Variants in USH2A observed in about 807,000 individuals in gnomAD.
USH2A encodes the protein usherin.
A neutral mutation model predicts 538.9 loss-of-function variants in USH2A; 443 were observed. That is an observed-to-expected ratio of 0.82 (90% CI 0.76 to 0.89). The LOEUF (loss-of-function observed/expected upper bound fraction) is 0.89. Ranked by LOEUF, USH2A falls within the 40% of genes least tolerant of loss-of-function variation. USH2A has a pLI of 0.00. For synonymous variants in USH2A, 2,413 were observed against 2,273.5 expected (o/e 1.06, Z -1.75); for missense variants, 6,633 against 6,324.8 (o/e 1.05, Z -1.65).
chr1:215,834,502 C>G (rs1663419374), intron 47 of USH2A, among the ~76,000 whole-genome samples: 1 of 152,116 alleles, frequency 6.6e-6, no homozygotes. Context: ...TTATACATAA[C>G]AAAACATGGC....
intron 62 of USH2A, among the ~76,000 whole-genome samples, chr1:215,678,919 C>G (rs558340294): frequency 2.0e-5 from 3 of 152,244 alleles, no homozygotes; most frequent in Non-Finnish European, 4.4e-5. Context: ...AGCAGATGCT[C>G]TCATGACTCC....
At chr1:215,996,754 G>A (rs1284145967) in intron 34 of USH2A, among the ~76,000 whole-genome samples, 2 of 151,820 alleles carry the variant, frequency 1.3e-5, no homozygotes, top group Non-Finnish European at 2.9e-5. Flanking sequence ...ATTTCCAATA[G>A]GCCCTGTGCT....
At chr1:215,932,504 G>T (rs1571824857) in intron 38 of USH2A, among the ~76,000 whole-genome samples, 1 of 152,068 alleles carries the variant, frequency 6.6e-6, no homozygotes, top group African/African-American at 2.4e-5. Flanking sequence ...AATCAATGAG[G>T]TATCACCTTT....
chr1:216,120,086 T>C (rs1406775953), intron 21 of USH2A, among the ~76,000 whole-genome samples: 1 of 151,990 alleles, frequency 6.6e-6, no homozygotes, highest in African/African-American at 2.4e-5. Flanking sequence ...TTTTCAGTCA[T>C]CCAGGATTGC....
chr1:215,641,181 C>T (rs1001709633), intron 67 of USH2A, among the ~76,000 whole-genome samples: 2 of 152,066 alleles, frequency 1.3e-5, no homozygotes, highest in African/African-American at 4.8e-5. Context: ...GCCACAAAGC[C>T]CCAAGGACTA....
At chr1:215,970,423 T>G (rs1356314613) in intron 36 of USH2A, among the ~76,000 whole-genome samples, 1 of 152,220 alleles carries the variant, frequency 6.6e-6, no homozygotes, top group Non-Finnish European at 1.5e-5. Flanking sequence ...TGCCCTTCAC[T>G]GGACCTATGT....
chr1:216,322,686 T>A (rs899373600), intron 8 of USH2A, among the ~76,000 whole-genome samples: 3 of 152,086 alleles, frequency 2.0e-5, no homozygotes, highest in Admixed American at 6.6e-5. Flanking sequence ...TCAATTTTTT[T>A]ATTTTTTTTT....
intron 29 of USH2A, 61 bp from the exon 30 acceptor site, chr1:216,070,353 A>G: frequency 6.6e-7 from 1 of 1,504,002 alleles, no homozygotes; most frequent in Non-Finnish European, 9.2e-7. Context: ...TATTGCTCCT[A>G]TTCTTCACTT....
intron 11 of USH2A, among the ~76,000 whole-genome samples, chr1:216,275,941 T>C (rs1484939612): frequency 1.3e-5 from 2 of 152,112 alleles, no homozygotes; most frequent in African/African-American, 4.8e-5. Flanking sequence ...AAATACCCAG[T>C]TTAGCAATCT....
Position 215,625,708 on chromosome 1 carries a change from T to C in USH2A, c.*73A>G. 1.5e-6 allele frequency: 2 copies of C among 1,332,096 alleles called. No individual in the cohort carries two copies. Among genetic ancestry groups the C allele is most frequent in the Non-Finnish European group, 2.2e-6 (2 of 923,468 alleles). 82.5% of individuals were successfully genotyped at this position (1,332,096 alleles called of 1,614,324 possible). On this transcript the variant is annotated 3_prime_UTR_variant, in exon 72 of 72. Coordinates refer to ENST00000307340, the MANE Select transcript of USH2A (RefSeq NM_206933.4). ...CAATGGCTTTTCAGCATTTATGATG[T>C]GTGAGTGATAACCCAGGAGGAAATG...
chr1:216,311,657 G>A (rs1007011184), intron 9 of USH2A, among the ~76,000 whole-genome samples: 2 of 152,134 alleles, frequency 1.3e-5, no homozygotes, highest in African/African-American at 4.8e-5. Flanking sequence ...GGGCGGAAGA[G>A]TTAACATCCA....
At chr1:215,894,950 C>T (rs1394704613) in intron 40 of USH2A, among the ~76,000 whole-genome samples, 1 of 152,158 alleles carries the variant, frequency 6.6e-6, no homozygotes, top group Non-Finnish European at 1.5e-5. Flanking sequence ...ATTTCCAATT[C>T]CTCTCCTGGT....
intron 3 of USH2A, among the ~76,000 whole-genome samples, chr1:216,370,789 G>T (rs1038335103): frequency 6.6e-6 from 1 of 151,538 alleles, no homozygotes; most frequent in African/African-American, 2.4e-5. Flanking sequence ...GTCAGTTAGG[G>T]TTTTGAAGTA....
intron 15 of USH2A, among the ~76,000 whole-genome samples, chr1:216,210,681 G>A (rs1318734364): frequency 6.6e-6 from 1 of 152,138 alleles, no homozygotes; most frequent in Non-Finnish European, 1.5e-5. Context: ...GTCTCAAGTA[G>A]TAATTGTGGT....
At chr1:216,146,259 C>T (rs985570880) in intron 21 of USH2A, among the ~76,000 whole-genome samples, 2 of 152,208 alleles carry the variant, frequency 1.3e-5, no homozygotes, top group African/African-American at 2.4e-5. Flanking sequence ...ACCGCTTTCT[C>T]CTTTCAATCT....
Position 216,197,165 on chromosome 1 carries a change from T to C in USH2A, c.4082-443A>G, listed in dbSNP as rs1318716286. On this transcript the variant is annotated intron_variant, in intron 18 of 71. Coordinates refer to ENST00000307340, the MANE Select transcript of USH2A (RefSeq NM_206933.4). ...CAATGCAGCTGGCTGAATATTATTC[T>C]TCAGAAAGAGGTAAACCTAAAGCAT... Among the ~76,000 whole-genome samples the C allele has an allele frequency of 2.6e-5, 4 of 152,266 alleles. No homozygotes were observed. The South Asian group carries it at 8.3e-4, about 32-fold the overall frequency.
In USH2A at chr1:215,786,845, T is replaced by C; in HGVS notation, c.10212A>G (p.Pro3404=). Residue 3404 remains proline (P), a synonymous_variant, in exon 52 of 72, where the codon CCA becomes CCG. Coordinates refer to ENST00000307340, the MANE Select transcript of USH2A (RefSeq NM_206933.4). ...KETKECRILC[P]ASMEATEHCG... The stretch of plus-strand genomic sequence containing the variant: ...AATGTTCTGTGGCTTCCATAGATGC[T>C]GGGCAGAGGATCCTGCACTCTTTGG... 2 of 1,613,916 alleles carry C rather than the reference T, an allele frequency of 1.2e-6. No homozygotes were observed. The highest frequency in any genetic ancestry group is 1.7e-6 in the Non-Finnish European group (2 of 1,179,910).
intron 11 of USH2A, among the ~76,000 whole-genome samples, chr1:216,261,007 A>G (rs894645247): frequency 2.0e-5 from 3 of 152,200 alleles, no homozygotes; most frequent in Admixed American, 2.0e-4. Flanking sequence ...GCTCATAAAC[A>G]TGAGTAAAGG....
rs2102724503 is a variant in USH2A, at chr1:216,375,547, T to C, written c.652-10462A>G. 1.3e-5 allele frequency among the ~76,000 whole-genome samples: 2 copies of C among 152,338 alleles called. 1 individual carries two copies. The highest frequency in any genetic ancestry group is 6.8e-3 in the Middle Eastern group (2 of 294). On this transcript the variant is annotated intron_variant, in intron 3 of 71. Transcript: ENST00000307340. Reference sequence around the variant, plus strand: ...TTAGGGCCTTGTCTGGATTAGACTTTGGTTTAAGAGAATATTGTAGCTGGT... The same window carrying C: ...TTAGGGCCTTGTCTGGATTAGACTTCGGTTTAAGAGAATATTGTAGCTGGT...
Sources: gnomAD v4.1 joint callset for allele counts (sites outside exome capture counted in the v4.1 genomes callset) on GRCh38, gnomAD v4.1.1 for gene constraint, MANE v1.5 for transcripts, NCBI Gene and HGNC (gene_info 2026-07-23, HGNC 2026-07-21) for gene names.